RAB27A: variants seen among roughly 807,000 people sequenced by gnomAD.
The protein encoded by RAB27A is ras-related protein Rab-27A.
In RAB27A, 17 loss-of-function variants were observed where a neutral mutation model predicts 20.8. The observed-to-expected ratio is 0.82, with a 90% CI of 0.56 to 1.23. The LOEUF (loss-of-function observed/expected upper bound fraction) is 1.23. Ranked by LOEUF, RAB27A falls within the 50% of genes most tolerant of loss-of-function variation. The pLI is 0.00. For synonymous variants in RAB27A, 85 were observed against 92.8 expected, an observed-to-expected ratio of 0.92 and a Z score of 0.48; for missense variants, 277 against 266.7, an observed-to-expected ratio of 1.04 and a Z score of -0.27.
intron 2 of RAB27A, among the ~76,000 whole-genome samples, chr15:55,254,586 A>G (rs990861963): frequency 6.6e-6 from 1 of 152,206 alleles, no homozygotes; most frequent in Non-Finnish European, 1.5e-5. Flanking sequence ...ATATACTTAT[A>G]AACTGTGAAA....
At chr15:55,216,786 C>G (rs2140936823) in intron 6 of RAB27A, among the ~76,000 whole-genome samples, 1 of 152,302 alleles carries the variant, frequency 6.6e-6, no homozygotes, top group East Asian at 1.9e-4. Context: ...TCAGACCTGT[C>G]CTGGCCAAAG....
At chr15:55,307,109 T>C (rs1336431183) in intron 2 of RAB27A, among the ~76,000 whole-genome samples, 4 of 151,764 alleles carry the variant, frequency 2.6e-5, no homozygotes, top group African/African-American at 9.7e-5. Context: ...CCAGGATGTG[T>C]CTAGGGATGG....
intron 6 of RAB27A, among the ~76,000 whole-genome samples, chr15:55,218,252 G>A (rs1409524419): frequency 6.6e-6 from 1 of 152,164 alleles, no homozygotes; most frequent in African/African-American, 2.4e-5. Context: ...AACATTTCCA[G>A]GAAATGGCTG....
At position 55,209,673 on chromosome 15, in the gene RAB27A, T is replaced by C. The variant is rs959519022; in HGVS notation, c.468-3968A>G. Among the ~76,000 whole-genome samples the C allele has an allele frequency of 2.0e-5, 3 of 151,084 alleles. No homozygotes were observed. In the South Asian group the frequency reaches 6.2e-4, roughly 31 times the overall value. On this transcript the variant is annotated intron_variant, in intron 6 of 6. Coordinates refer to ENST00000336787, the MANE Select transcript of RAB27A (RefSeq NM_183235.3). Reference sequence around the variant, plus strand: ...ATATCTTTTGGGATATATATATATCTCTCTCCTAAGAAAACTTACATAAAA... The same window carrying C: ...ATATCTTTTGGGATATATATATATCCCTCTCCTAAGAAAACTTACATAAAA...
At chr15:55,286,199 T>C (rs1008116966) in intron 1 of RAB27A, among the ~76,000 whole-genome samples, 5 of 152,142 alleles carry the variant, frequency 3.3e-5, no homozygotes. Context: ...ATGGGAGAAA[T>C]GGCAGAATGA....
chr15:55,247,472 G>A (rs934173988), intron 2 of RAB27A, among the ~76,000 whole-genome samples: 3 of 152,052 alleles, frequency 2.0e-5, no homozygotes, highest in African/African-American at 7.2e-5. Flanking sequence ...ACAGTGTCAA[G>A]GAATCTGTCA....
chr15:55,274,794 TTA>T (rs371945954), intron 1 of RAB27A, among the ~76,000 whole-genome samples: 12,934 of 52,138 alleles, frequency 0.25, 1,534 homozygotes, highest in Middle Eastern at 0.42. Flanking sequence ...AATAAATAAA[TTA>T]TATATATATA....
chr15:55,278,767 C>T (rs1010818502), intron 1 of RAB27A, among the ~76,000 whole-genome samples: 1 of 152,168 alleles, frequency 6.6e-6, no homozygotes, highest in Non-Finnish European at 1.5e-5. Flanking sequence ...CAGGCGTGAG[C>T]CACCGCACCT....
intron 2 of RAB27A, among the ~76,000 whole-genome samples, chr15:55,299,946 A>G (rs1185809873): frequency 1.3e-5 from 2 of 150,434 alleles, no homozygotes; most frequent in African/African-American, 4.9e-5. Flanking sequence ...TCAGCCTCCC[A>G]AGCAGCTGGG....
At chr15:55,261,772 G>T (rs991452104) in intron 2 of RAB27A, among the ~76,000 whole-genome samples, 1 of 149,246 alleles carries the variant, frequency 6.7e-6, no homozygotes, top group Non-Finnish European at 1.5e-5. Context: ...AGGCACAGTG[G>T]CTCATGCCTG....
intron 6 of RAB27A, among the ~76,000 whole-genome samples, chr15:55,213,212 T>G (rs762332853): frequency 5.9e-5 from 9 of 152,184 alleles, no homozygotes; most frequent in Non-Finnish European, 8.8e-5. Context: ...TTTCTTAAAT[T>G]TATTAGAACT....
intron 2 of RAB27A, among the ~76,000 whole-genome samples, chr15:55,269,047 A>G (rs1238812513): frequency 6.6e-6 from 1 of 152,202 alleles, no homozygotes; most frequent in Non-Finnish European, 1.5e-5. Flanking sequence ...CTAAGCAGAA[A>G]GGCCTGGAAC....
Position 55,267,670 on chromosome 15 carries a change from C to T in RAB27A, c.-23+2495G>A, listed in dbSNP as rs61409017. On this transcript the variant is annotated intron_variant, in intron 2 of 6. Transcript: ENST00000336787. ...GCCTGAGCTCTGGCTCTAAATCAAA[C>T]AAGTTCAAAGGGAGAAGAAAGGAAT... 9.5e-3 allele frequency among the ~76,000 whole-genome samples: 1,451 copies of T among 152,246 alleles called. 21 individuals carry two copies. Among genetic ancestry groups the T allele is most frequent in the African/African-American group, 0.031 (1,267 of 41,526 alleles).
chr15:55,226,466 A>C (rs1166957648), intron 5 of RAB27A, among the ~76,000 whole-genome samples: 2 of 151,972 alleles, frequency 1.3e-5, no homozygotes, highest in Non-Finnish European at 2.9e-5. Flanking sequence ...TACTTCTTTA[A>C]TGCAACACTG....
intron 6 of RAB27A, chr15:55,206,159 C>A (rs1216629572): frequency 5.1e-6 from 1 of 197,520 alleles, no homozygotes; most frequent in East Asian, 1.9e-4. Flanking sequence ...TGCAGTGAGC[C>A]AATATTGTGC....
intron 5 of RAB27A, among the ~76,000 whole-genome samples, chr15:55,228,294 T>C (rs1426476019): frequency 6.6e-6 from 1 of 152,212 alleles, no homozygotes; most frequent in Admixed American, 6.5e-5. Context: ...TTAACTTCTC[T>C]AGGCTTCTAC....
intron 2 of RAB27A, among the ~76,000 whole-genome samples, chr15:55,313,678 A>C (rs1434624294): frequency 6.6e-6 from 1 of 152,226 alleles, no homozygotes; most frequent in Middle Eastern, 3.2e-3. Flanking sequence ...GTTGAAGAGC[A>C]GCCTGGCCAA....
rs188659466 is a variant in RAB27A, at chr15:55,278,638, A to G, written c.-142-8354T>C. Among the ~76,000 whole-genome samples, 400 of 151,982 alleles carry G rather than the reference A, an allele frequency of 2.6e-3. 2 individuals are homozygous for G. Among genetic ancestry groups the G allele is most frequent in the Non-Finnish European group, 4.7e-3 (321 of 67,950 alleles). On this transcript the variant is annotated intron_variant, in intron 1 of 6. Coordinates refer to ENST00000336787, the MANE Select transcript of RAB27A (RefSeq NM_183235.3). ...GCTGGGACTATAGGCGCCCGCCACC[A>G]CGTCTGGCTAATTTTTTGTATTTTT...
At chr15:55,226,546 T>C (rs1334249921) in intron 5 of RAB27A, among the ~76,000 whole-genome samples, 1 of 152,086 alleles carries the variant, frequency 6.6e-6, no homozygotes, top group Non-Finnish European at 1.5e-5. Context: ...AGTGTGTATT[T>C]GTGTGTATTA....
Sources: allele counts gnomAD v4.1 joint callset (sites outside exome capture counted in the v4.1 genomes callset), GRCh38; gene constraint gnomAD v4.1.1; transcripts MANE v1.5; gene names NCBI Gene and HGNC (gene_info 2026-07-23, HGNC 2026-07-21).